The following CNOT2 variants were observed in gnomAD, a reference collection of about 807,000 sequenced individuals.
The protein encoded by CNOT2 is CCR4-NOT transcription complex subunit 2, also known as CC chemokine receptor 4-negative regulator of transcription 2.
CNOT2 carries 7 observed loss-of-function variants against 72.1 expected under a neutral mutation model. The ratio of observed to expected loss-of-function variants is 0.10; its 90% CI spans 0.06 to 0.18. CNOT2 has a LOEUF of 0.18. CNOT2 is among the 10% of genes least tolerant of loss of function. CNOT2 has a pLI of 1.00. For missense variants in CNOT2, 345 were observed against 660.3 expected (o/e 0.52, Z 5.23); for synonymous variants, 196 against 225.6 (o/e 0.87, Z 1.17).
At chr12:70,321,059 A>T (rs905216983) in intron 4 of CNOT2, among the ~76,000 whole-genome samples, 1 of 151,890 alleles carries the variant, frequency 6.6e-6, no homozygotes, top group East Asian at 1.9e-4. Flanking sequence ...TAAGGTACTT[A>T]CTAGTTTAAA....
At chr12:70,248,470 A>G (rs1300855958) in intron 1 of CNOT2, among the ~76,000 whole-genome samples, 1 of 152,138 alleles carries the variant, frequency 6.6e-6, no homozygotes, top group Non-Finnish European at 1.5e-5. Flanking sequence ...CTACATTTTC[A>G]TATGGAAATG....
At chr12:70,291,550 G>T (rs554031844) in intron 2 of CNOT2, among the ~76,000 whole-genome samples, 6 of 152,330 alleles carry the variant, frequency 3.9e-5, no homozygotes, top group Admixed American at 3.3e-4. Flanking sequence ...TTGACACCGT[G>T]TTCATAGTTA....
intron 7 of CNOT2, 114 bp from the exon 8 acceptor site, chr12:70,335,324 G>A (rs1372182519): frequency 9.5e-6 from 7 of 736,758 alleles, no homozygotes; most frequent in Admixed American, 6.0e-5. Flanking sequence ...GTACAGTGCC[G>A]TGCATTATTT....
intron 1 of CNOT2, among the ~76,000 whole-genome samples, chr12:70,245,481 T>A (rs1293913067): frequency 6.6e-6 from 1 of 152,200 alleles, no homozygotes; most frequent in Non-Finnish European, 1.5e-5. Flanking sequence ...TGTAAACATT[T>A]GTTGGCAGGA....
At chr12:70,347,827 G>A (rs191743343) in intron 15 of CNOT2, 4 of 152,168 alleles carry the variant, frequency 2.6e-5, no homozygotes, top group African/African-American at 9.6e-5. Context: ...TTTTCAGAAG[G>A]TGTATTTATG....
At position 70,346,196 on chromosome 12, in the gene CNOT2, A is replaced by C. The variant is rs370270057; in HGVS notation, c.1408A>C (p.Arg470=). ...AAVELFNRDW[R]YHKEERVWIT... ...AAATTGAAGTTTTAACCGTGATTGG[A>C]GATACCACAAAGAAGAACGAGTATG... Residue 470 remains arginine (R), a synonymous_variant, in exon 15 of 16, where the codon AGA becomes CGA. Transcript: ENST00000229195. 6.2e-7 allele frequency: 1 copy of C among 1,608,188 alleles called. No homozygotes were observed. Among genetic ancestry groups the C allele is most frequent in the African/African-American group, 1.3e-5 (1 of 74,856 alleles).
At chr12:70,307,446 A>G (rs1057205964) in intron 2 of CNOT2, among the ~76,000 whole-genome samples, 1 of 152,108 alleles carries the variant, frequency 6.6e-6, no homozygotes, top group African/African-American at 2.4e-5. Flanking sequence ...GCTTAGGTCT[A>G]TCAAGGCATC....
intron 4 of CNOT2, among the ~76,000 whole-genome samples, chr12:70,321,076 C>T (rs776957549): frequency 6.6e-6 from 1 of 151,710 alleles, no homozygotes; most frequent in Non-Finnish European, 1.5e-5. Flanking sequence ...TAAAAAGAAG[C>T]CATGTATGGC....
intron 1 of CNOT2, among the ~76,000 whole-genome samples, chr12:70,268,858 A>G (rs923332274): frequency 1.3e-5 from 2 of 152,146 alleles, no homozygotes; most frequent in Non-Finnish European, 2.9e-5. Flanking sequence ...ATAATTTTTA[A>G]TGGCATTTGG....
intron 3 of CNOT2, among the ~76,000 whole-genome samples, chr12:70,318,496 A>C (rs1270660904): frequency 1.3e-5 from 2 of 151,826 alleles, no homozygotes; most frequent in Non-Finnish European, 2.9e-5. Context: ...CCTTTGTTAC[A>C]CTTATACTCA....
intron 4 of CNOT2, among the ~76,000 whole-genome samples, chr12:70,321,305 GAA>G (rs918152497): frequency 1.3e-5 from 2 of 151,734 alleles, no homozygotes; most frequent in African/African-American, 4.8e-5. Context: ...ATAACTAGTG[GAA>G]AAAGAAAGAG....
At chr12:70,283,888 C>T (rs539641604) in intron 2 of CNOT2, among the ~76,000 whole-genome samples, 1 of 150,078 alleles carries the variant, frequency 6.7e-6, no homozygotes, top group East Asian at 2.0e-4. Context: ...ATGTCATGAT[C>T]ACATGATCAG....
At chr12:70,331,968 T>A (rs1299317277) in intron 6 of CNOT2, among the ~76,000 whole-genome samples, 1 of 151,584 alleles carries the variant, frequency 6.6e-6, no homozygotes, top group African/African-American at 2.4e-5. Flanking sequence ...AGTTCTGCCT[T>A]ATTTTTTTTT....
At chr12:70,323,650 G>A (rs1878638811) in intron 4 of CNOT2, 1 of 151,722 alleles carries the variant, frequency 6.6e-6, no homozygotes, top group East Asian at 1.9e-4. Context: ...ATTTAGGAAT[G>A]GCCTACTTTA....
intron 2 of CNOT2, among the ~76,000 whole-genome samples, chr12:70,282,596 A>G (rs1019852734): frequency 6.6e-5 from 10 of 152,154 alleles, no homozygotes; most frequent in East Asian, 1.9e-4. Context: ...ACTAGTGACT[A>G]TATAGTGTAG....
In CNOT2 at chr12:70,336,940, A is replaced by C. The variant is rs188144594; in HGVS notation, c.776-449A>C. 2.3e-4 allele frequency: 35 copies of C among 154,194 alleles called. No individual in the cohort carries two copies. The East Asian group carries it at 5.9e-3, about 26-fold the overall frequency. 9.6% of individuals were successfully genotyped at this position (154,194 alleles called of 1,614,324 possible). On this transcript the variant is annotated intron_variant, in intron 8 of 15. Coordinates refer to ENST00000229195, the MANE Select transcript of CNOT2 (RefSeq NM_014515.7). ...TCCAAGAAAATCTGAAATAATATGG[A>C]GTTGTTTTATAATTGATTGCAATTT...
At chr12:70,328,194 G>C (rs1879378938) in intron 4 of CNOT2, among the ~76,000 whole-genome samples, 1 of 151,818 alleles carries the variant, frequency 6.6e-6, no homozygotes, top group Non-Finnish European at 1.5e-5. Flanking sequence ...TCAGTTGAGA[G>C]GCACAGTTAG....
Position 70,338,556 on chromosome 12 carries a change from A to G in CNOT2, c.1014A>G (p.Leu338=), listed in dbSNP as rs1233870932. The change falls in exon 10 of 16, where the codon TTA becomes TTG. Residue 338 remains leucine (L), a synonymous_variant. Coordinates refer to ENST00000229195, the MANE Select transcript of CNOT2 (RefSeq NM_014515.7). ...NNQQKKGIQV[L]PDGRVTNIPQ... ...AGCAGAAAAAAGGGATCCAGGTGTTACCTGATGGTGGGACTCTAGAAATCT... is the reference window on the plus strand; with the variant it reads ...AGCAGAAAAAAGGGATCCAGGTGTTGCCTGATGGTGGGACTCTAGAAATCT... 6.2e-7 allele frequency: 1 copy of G among 1,610,406 alleles called. No homozygotes were observed. The highest frequency in any genetic ancestry group is 8.5e-7 in the Non-Finnish European group (1 of 1,178,906).
intron 1 of CNOT2, among the ~76,000 whole-genome samples, chr12:70,255,417 G>A (rs962249230): frequency 6.6e-6 from 1 of 152,112 alleles, no homozygotes; most frequent in African/African-American, 2.4e-5. Flanking sequence ...AACTTACGCT[G>A]TTCTTTGTCC....
Sources: gnomAD v4.1 joint callset for allele counts (sites outside exome capture counted in the v4.1 genomes callset) on GRCh38, gnomAD v4.1.1 for gene constraint, MANE v1.5 for transcripts, NCBI Gene and HGNC (gene_info 2026-07-23, HGNC 2026-07-21) for gene names.